Variants in PKD1L1 observed in about 807,000 individuals in gnomAD.
PKD1L1 encodes polycystin-1-like protein 1.
Under a neutral mutation model 323.4 loss-of-function variants are expected in PKD1L1, and 236 were observed. The ratio of observed to expected loss-of-function variants is 0.73; its 90% CI spans 0.66 to 0.81. The LOEUF is 0.81. Ranked by LOEUF, PKD1L1 falls within the 40% of genes least tolerant of loss-of-function variation. The pLI, the probability that PKD1L1 is intolerant of heterozygous loss-of-function variation, is 0.00. For synonymous variants in PKD1L1, 1,344 were observed against 1,335.0 expected (o/e 1.01, Z -0.15); for missense variants, 3,320 against 3,508.0 (o/e 0.95, Z 1.35).
chr7:47,856,227 G>A (rs1030669447), intron 28 of PKD1L1, among the ~76,000 whole-genome samples: 2 of 151,940 alleles, frequency 1.3e-5, no homozygotes, highest in Non-Finnish European at 2.9e-5. Flanking sequence ...TAGTAGAGAC[G>A]GGTGTTTCAC....
At chr7:47,785,521 C>T (rs1786786293) in intron 56 of PKD1L1, among the ~76,000 whole-genome samples, 3 of 152,084 alleles carry the variant, frequency 2.0e-5, no homozygotes, top group Admixed American at 6.6e-5. Context: ...TCAGTGGTCT[C>T]ATGGGAGAGG....
rs145968348 is a variant in PKD1L1, at chr7:47,831,768, A to G, written c.6338-416T>C. The stretch of plus-strand genomic sequence containing the variant: ...GGGGATCTCCTCTTCTGACCTGCAT[A>G]GGGACCTATGGGTCCCCAACATCAG... On this transcript the variant is annotated intron_variant, in intron 41 of 56. Transcript: ENST00000289672. Among the ~76,000 whole-genome samples, 648 of 152,290 alleles carry G rather than the reference A, an allele frequency of 4.3e-3. 5 individuals are homozygous for G. The highest frequency in any genetic ancestry group is 0.015 in the African/African-American group (605 of 41,554).
Position 47,912,278 on chromosome 7 carries a change from G to A in PKD1L1, c.1228+3154C>T, listed in dbSNP as rs886994987. ...ATGCAGAGGAAAATATGAGGAAAGC[G>A]GATCAGATGAAAAAGGAAAAACAAA... On this transcript the variant is annotated intron_variant, in intron 8 of 56. Transcript: ENST00000289672. 7.9e-5 allele frequency among the ~76,000 whole-genome samples: 12 copies of A among 151,936 alleles called. No individual in the cohort carries two copies. In the South Asian group the frequency reaches 8.3e-4, roughly 11 times the overall value.
At position 47,843,007 on chromosome 7, in the gene PKD1L1, G is replaced by A. The variant is rs764554172; in HGVS notation, c.5400C>T (p.Val1800=). ...ASLPGHQLYA[V]VIDTGFRAPA... is the part of the protein sequence containing the mutation. ...GAGCTCGGAAGCCAGTGTCAATGAC[G>A]ACCGCATATAGCTGATGGCCCGGCA... Residue 1800 remains valine (V), a synonymous_variant, in exon 34 of 57, where the codon GTC becomes GTT. Transcript: ENST00000289672. 3.7e-6 allele frequency: 6 copies of A among 1,613,710 alleles called. No individual in the cohort carries two copies. The highest frequency in any genetic ancestry group is 4.5e-5 in the East Asian group (2 of 44,896).
chr7:47,882,539 AG>A (rs1179723894), intron 19 of PKD1L1, among the ~76,000 whole-genome samples: 3 of 151,784 alleles, frequency 2.0e-5, no homozygotes. Flanking sequence ...TGGTGTGGAA[AG>A]GAAGTCCTTC....
intron 7 of PKD1L1, among the ~76,000 whole-genome samples, chr7:47,922,253 G>A (rs146920150): frequency 3.9e-5 from 6 of 152,122 alleles, no homozygotes; most frequent in Admixed American, 3.9e-4. Context: ...GCGTGCTCTC[G>A]GCTCGCTACA....
At chr7:47,959,728 C>CCCAT in the PKD1L1 span, among the ~76,000 whole-genome samples, 2 of 143,924 alleles carry the variant, frequency 1.4e-5, no homozygotes, top group Non-Finnish European at 1.6e-5. Flanking sequence ...AGCCAGCCGC[C>CCCAT]CCGTCCGGGA....
chr7:47,790,456 G>A (rs894225204), intron 56 of PKD1L1, among the ~76,000 whole-genome samples: 86 of 151,186 alleles, frequency 5.7e-4, no homozygotes, highest in Non-Finnish European at 9.1e-4. Flanking sequence ...TCAGCCTCCC[G>A]AGTAGCTGGG....
upstream of PKD1L1, among the ~76,000 whole-genome samples, chr7:47,950,347 G>A (rs182852234): frequency 1.6e-3 from 240 of 152,270 alleles, no homozygotes; most frequent in African/African-American, 5.6e-3. Context: ...TGTTTTTGAA[G>A]CCAGCAGTGC....
At chr7:47,930,558 C>CCA (rs1397598621) in intron 6 of PKD1L1, among the ~76,000 whole-genome samples, 1 of 51,250 alleles carries the variant, frequency 2.0e-5, no homozygotes, top group East Asian at 0.018. Context: ...TGGCTCATGC[C>CCA]TGAATCCCAG....
intron 56 of PKD1L1, among the ~76,000 whole-genome samples, chr7:47,789,817 T>C (rs1786897638): frequency 6.6e-6 from 1 of 152,210 alleles, no homozygotes; most frequent in Non-Finnish European, 1.5e-5. Context: ...ATTAAATTCT[T>C]TCATTTTTAT....
rs932355559 is a variant in PKD1L1 at position 47,788,138 on chromosome 7, C to T, written c.8526+4489G>A. Among the ~76,000 whole-genome samples, 3 of 151,394 alleles carry T rather than the reference C, an allele frequency of 2.0e-5. No homozygotes were observed. The East Asian group carries it at 5.8e-4, about 29-fold the overall frequency. On this transcript the variant is annotated intron_variant, in intron 56 of 56. Coordinates refer to ENST00000289672, the MANE Select transcript of PKD1L1 (RefSeq NM_138295.5). ...ATATTCCTATTTTTTTTAAAAATAT[C>T]GATTTCATTTTTATTAAGAATATGT...
At chr7:47,929,788 C>T (rs1433909631) in intron 6 of PKD1L1, among the ~76,000 whole-genome samples, 1 of 152,184 alleles carries the variant, frequency 6.6e-6, no homozygotes, top group African/African-American at 2.4e-5. Flanking sequence ...CCAGCAAGCC[C>T]CCAGGTGAAT....
intron 34 of PKD1L1, among the ~76,000 whole-genome samples, chr7:47,841,983 C>T (rs902185723): frequency 6.6e-6 from 1 of 152,192 alleles, no homozygotes; most frequent in South Asian, 2.1e-4. Context: ...AGAACCATCT[C>T]TTTCTCCCTT....
Position 47,893,929 on chromosome 7 carries a change from AC to A in PKD1L1, c.2401del (p.Val801SerfsTer65), listed in dbSNP as rs1408141407. On this transcript the variant is annotated frameshift_variant, in exon 15 of 57. Transcript: ENST00000289672. LOFTEE classifies it high-confidence loss of function. ...FFSRTTSSPI[V>X]LRGTQSFDPD... The stretch of plus-strand genomic sequence containing the variant: ...GTCGAAGGACTGGGTCCCTCTGAGG[AC>A]AATGGGGGATGAGGTGGTCCTGGAG... 6.2e-7 allele frequency: 1 copy of A among 1,614,022 alleles called. No homozygotes were observed. The highest frequency in any genetic ancestry group is 1.1e-5 in the South Asian group (1 of 91,084).
chr7:47,912,374 G>C (rs1436630535), intron 8 of PKD1L1, among the ~76,000 whole-genome samples: 1 of 152,130 alleles, frequency 6.6e-6, no homozygotes. Context: ...TGACATATTG[G>C]AATAGAAACA....
At chr7:47,914,464 T>G (rs1415209822) in intron 8 of PKD1L1, among the ~76,000 whole-genome samples, 3 of 152,044 alleles carry the variant, frequency 2.0e-5, no homozygotes, top group Admixed American at 6.6e-5. Context: ...TGTGATGAGG[T>G]GGGAGTGCCC....
chr7:47,948,265 C>T, intron 1 of PKD1L1, 132 bp downstream of exon 1: 1 of 1,053,020 alleles, frequency 9.5e-7, no homozygotes, highest in Non-Finnish European at 1.4e-6. Flanking sequence ...CAAATGCACC[C>T]TCCTGGTACA....
chr7:47,940,311 T>C lies in PKD1L1; in HGVS notation c.167A>G (p.Tyr56Cys), dbSNP rs138951762. The C allele has an allele frequency of 6.9e-5, 111 of 1,612,644 alleles. No individual in the cohort carries two copies. In the African/African-American group the frequency reaches 1.1e-3, roughly 16 times the overall value. The change falls in exon 3 of 57, where the codon TAT becomes TGT. Residue 56 changes from tyrosine (Y) to cysteine (C), a missense_variant. Tyr to Cys is a radical substitution (Grantham distance 194). Coordinates refer to ENST00000289672, the MANE Select transcript of PKD1L1 (RefSeq NM_138295.5). Reference sequence around the variant, plus strand: ...ACTCATAAGAAGCACATGATTAGCATAGACCTCTAGAGAAAAAAAAAAAAG... The same window carrying C: ...ACTCATAAGAAGCACATGATTAGCACAGACCTCTAGAGAAAAAAAAAAAAG... ...PPGGGLWVEV[Y>C]ANHVLLMSDG...
Sources: allele counts gnomAD v4.1 joint callset (sites outside exome capture counted in the v4.1 genomes callset), GRCh38; gene constraint gnomAD v4.1.1; transcripts MANE v1.5; gene names NCBI Gene and HGNC (gene_info 2026-07-23, HGNC 2026-07-21).